JPH4: variants seen among roughly 807,000 people sequenced by gnomAD.
The protein encoded by JPH4 is junctophilin-4.
In JPH4, 18 loss-of-function variants were observed where a neutral mutation model predicts 57.6. That is an observed-to-expected ratio of 0.31 (90% CI 0.22 to 0.46). JPH4 has a LOEUF of 0.46. Ranked by LOEUF, JPH4 falls within the 20% of genes least tolerant of loss-of-function variation. The pLI, the probability that JPH4 is intolerant of heterozygous loss-of-function variation, is 1.00. For missense variants in JPH4, 727 were observed against 911.1 expected, an observed-to-expected ratio of 0.80 and a Z score of 2.60; for synonymous variants, 425 against 406.6, an observed-to-expected ratio of 1.05 and a Z score of -0.54.
chr14:23,576,488 C>A lies in JPH4; in HGVS notation c.380-32G>T. The A allele has an allele frequency of 7.3e-7, 1 of 1,374,724 alleles. No homozygotes were observed. Among genetic ancestry groups the A allele is most frequent in the South Asian group, 1.7e-5 (1 of 58,196 alleles). 85.2% of individuals were successfully genotyped at this position (1,374,724 alleles called of 1,614,324 possible). ...GCGGCGGAGGGGTGGGAGAAAGAGT[C>A]AGGACGTGCCGCTGGGCTCCTTGCG... On this transcript the variant is annotated intron_variant, in intron 2 of 5. Transcript: ENST00000356300. The surrounding 1 kb of genome is among the most constrained non-coding windows in gnomAD (Gnocchi z 8.0).
rs1017453476 is a variant in JPH4, at chr14:23,568,208, G to A, written c.*1426C>T. On this transcript the variant is annotated 3_prime_UTR_variant, in exon 6 of 6. Transcript: ENST00000356300. ...GGAGGAAGGAGGGAGGCAAGCCAAG[G>A]AATAAACAAGAGTTTGACTAGAAAA... 1.0e-6 allele frequency: 1 copy of A among 985,824 alleles called. No homozygotes were observed. The allele number at this position is 985,824 out of a possible 1,614,324, so 61.1% of individuals were successfully genotyped here.
At position 23,568,869 on chromosome 14, in the gene JPH4, A is replaced by T. The variant is rs1888946397; in HGVS notation, c.*765T>A. 1.1e-6 allele frequency: 1 copy of T among 897,840 alleles called. No homozygotes were observed. The highest frequency in any genetic ancestry group is 1.8e-5 in the African/African-American group (1 of 55,422). 55.6% of individuals were successfully genotyped at this position (897,840 alleles called of 1,614,324 possible). On this transcript the variant is annotated 3_prime_UTR_variant, in exon 6 of 6. Coordinates refer to ENST00000356300, the MANE Select transcript of JPH4 (RefSeq NM_001146028.2). ...GTCTGGGCAGGGTGGACTTGACTGC[A>T]TTGGATATTCTCTGTTCCTTTACAC...
At position 23,576,553 on chromosome 14, in the gene JPH4, C is replaced by A; in HGVS notation, c.380-97G>T. The A allele has an allele frequency of 9.4e-7, 1 of 1,067,342 alleles. No individual in the cohort carries two copies. 66.1% of individuals were successfully genotyped at this position (1,067,342 alleles called of 1,614,324 possible). A position where few individuals can be genotyped will look rare whatever the true frequency, so the allele number is the denominator to read the frequency against. On this transcript the variant is annotated intron_variant, in intron 2 of 5. Coordinates refer to ENST00000356300, the MANE Select transcript of JPH4 (RefSeq NM_001146028.2). This position sits in a 1 kb window ranked among gnomAD's most constrained non-coding sequence, Gnocchi z 8.0. ...CGCCCCTGGAAGCCCAAGCGTCAGGCGGGAGAGATGGAGGCAGTTAGTGTG... is the reference window on the plus strand; with the variant it reads ...CGCCCCTGGAAGCCCAAGCGTCAGGAGGGAGAGATGGAGGCAGTTAGTGTG...
In JPH4 at chr14:23,568,360, C is replaced by T; in HGVS notation, c.*1274G>A. 1.0e-6 allele frequency: 1 copy of T among 985,818 alleles called. No homozygotes were observed. Among genetic ancestry groups the T allele is most frequent in the Non-Finnish European group, 1.2e-6 (1 of 829,940 alleles). The allele number at this position is 985,818 out of a possible 1,614,324, so 61.1% of individuals were successfully genotyped here. ...AAGATCCCCTGGGGACCCTGCAGTC[C>T]CCTCTTCCTAGGGCTTCCTGCTCCC... On this transcript the variant is annotated 3_prime_UTR_variant, in exon 6 of 6. Transcript: ENST00000356300.
chr14:23,575,658 G>T lies in JPH4; in HGVS notation c.1151+27C>A. On this transcript the variant is annotated intron_variant, in intron 3 of 5. Transcript: ENST00000356300. The surrounding 1 kb of genome is among the most constrained non-coding windows in gnomAD (Gnocchi z 6.9). ...CAGCGCACCCCCTCCTCTTAGCCCA[G>T]CTTTGGCCTCTGAACTGGACGCCCA... The T allele has an allele frequency of 6.3e-7, 1 of 1,580,914 alleles. No individual in the cohort carries two copies. Among genetic ancestry groups the T allele is most frequent in the Non-Finnish European group, 8.6e-7 (1 of 1,165,944 alleles).
In JPH4 at chr14:23,577,415, G is replaced by A; in HGVS notation, c.39C>T (p.Gly13=). ...PGGKFDFDDG[G]CYVGGWEAGR... ...CCGCCTCCCAGCCCCCCACGTAGCA[G>A]CCCCCGTCGTCAAAGTCGAACTTGC... Residue 13 remains glycine (G), a synonymous_variant, in exon 2 of 6, where the codon GGC becomes GGT. Coordinates refer to ENST00000356300, the MANE Select transcript of JPH4 (RefSeq NM_001146028.2). This position sits in a 1 kb window ranked among gnomAD's most constrained non-coding sequence, Gnocchi z 8.4. The A allele has an allele frequency of 6.9e-7, 1 of 1,450,396 alleles. No homozygotes were observed. The highest frequency in any genetic ancestry group is 1.5e-5 in the African/African-American group (1 of 67,686). 89.8% of individuals were successfully genotyped at this position (1,450,396 alleles called of 1,614,324 possible).
rs981632705 is a variant in JPH4, at chr14:23,576,070, C to T, written c.766G>A (p.Gly256Arg). The T allele has an allele frequency of 8.4e-6, 11 of 1,308,132 alleles. No homozygotes were observed. The highest frequency in any genetic ancestry group is 1.1e-5 in the Non-Finnish European group (11 of 1,033,560). The allele number at this position is 1,308,132 out of a possible 1,614,324, so 81.0% of individuals were successfully genotyped here. A position where few individuals can be genotyped will look rare whatever the true frequency, so the allele number is the denominator to read the frequency against. ...SEVSSEVGST[G>R]PPGSEASGPP... ...CCGCTGGCCTCCGAGCCGGGCGGTCCGGTGCTGCCCACCTCGCTGCTCACC... is the reference window on the plus strand; with the variant it reads ...CCGCTGGCCTCCGAGCCGGGCGGTCTGGTGCTGCCCACCTCGCTGCTCACC... The change falls in exon 3 of 6, where the codon GGA becomes AGA. Residue 256 changes from glycine (G) to arginine (R), a missense_variant. Physicochemically the swap from Gly to Arg is moderately radical, Grantham distance 125. Around this residue, in one of 7 missense-constraint regions of JPH4, gnomAD observed 131 missense variants for 156.5 expected, o/e 0.84. Transcript: ENST00000356300. The surrounding 1 kb of genome is among the most constrained non-coding windows in gnomAD (Gnocchi z 8.0).
chr14:23,578,010 G>C (rs751383893), intron 1 of JPH4, 170 bp downstream of exon 1: 2 of 152,022 alleles, frequency 1.3e-5, no homozygotes, highest in Admixed American at 6.6e-5. Flanking sequence ...AAAGGGATGG[G>C]GGTGGGGGGT....
chr14:23,570,945 C>T lies in JPH4; in HGVS notation c.1786G>A (p.Glu596Lys), dbSNP rs1375424289. 2 of 1,515,586 alleles carry T rather than the reference C, an allele frequency of 1.3e-6. No individual in the cohort carries two copies. The highest frequency in any genetic ancestry group is 1.8e-6 in the Non-Finnish European group (2 of 1,133,142). 93.9% of individuals were successfully genotyped at this position (1,515,586 alleles called of 1,614,324 possible). ...GATCTCACCGGCTGGGCAGGCCTCT[C>T]GGTTGCAGCGGGCTCCCCGAGCTCT... is the stretch of plus-strand genomic sequence containing the variant. Reference protein sequence around the residue: ...TEELGEPAATERPAQPGAANP... With the variant: ...TEELGEPAATKRPAQPGAANP... The change falls in exon 5 of 6, where the codon GAG becomes AAG. Residue 596 changes from glutamate to lysine, a missense_variant. Transcript: ENST00000356300.
At position 23,571,558 on chromosome 14, in the gene JPH4, A is replaced by G; in HGVS notation, c.1271-98T>C. 7.0e-7 allele frequency: 1 copy of G among 1,431,544 alleles called. No homozygotes were observed. The highest frequency in any genetic ancestry group is 9.4e-7 in the Non-Finnish European group (1 of 1,060,822). The allele number at this position is 1,431,544 out of a possible 1,614,324, so 88.7% of individuals were successfully genotyped here. ...ACTGGGCACTTCCCAGGACTTTGGAATTCCCAGGCTCATAGCCTCTCACCG... is the reference window on the plus strand; with the variant it reads ...ACTGGGCACTTCCCAGGACTTTGGAGTTCCCAGGCTCATAGCCTCTCACCG... On this transcript the variant is annotated intron_variant, in intron 4 of 5. Coordinates refer to ENST00000356300, the MANE Select transcript of JPH4 (RefSeq NM_001146028.2). The surrounding 1 kb of genome is among the most constrained non-coding windows in gnomAD (Gnocchi z 4.6).
chr14:23,570,770 C>T (rs897996461), intron 5 of JPH4, among the ~76,000 whole-genome samples, 158 bp downstream of exon 5: 7 of 152,146 alleles, frequency 4.6e-5, no homozygotes, highest in African/African-American at 1.7e-4. Flanking sequence ...CCAGCTCGAA[C>T]GCCCTCTATT....
chr14:23,568,637 T>C lies in JPH4; in HGVS notation c.*997A>G. 9 of 985,964 alleles carry C rather than the reference T, an allele frequency of 9.1e-6. No individual in the cohort carries two copies. Among genetic ancestry groups the C allele is most frequent in the Non-Finnish European group, 1.1e-5 (9 of 829,990 alleles). 61.1% of individuals were successfully genotyped at this position (985,964 alleles called of 1,614,324 possible). On this transcript the variant is annotated 3_prime_UTR_variant, in exon 6 of 6. Transcript: ENST00000356300. ...TTCCATGTGAGCTCCTGTTATCTTG[T>C]CTGGTCCTATCCCCCAGAAGTGCCT...
chr14:23,569,850 T>C lies in JPH4; in HGVS notation c.1804-133A>G. On this transcript the variant is annotated intron_variant, in intron 5 of 5. Coordinates refer to ENST00000356300, the MANE Select transcript of JPH4 (RefSeq NM_001146028.2). This position sits in a 1 kb window ranked among gnomAD's most constrained non-coding sequence, Gnocchi z 4.8. ...CCTGGAGCAGGGGGATCGCCAACAT[T>C]TGTTTTGGATTGCAAAACCCCCTCT... The C allele has an allele frequency of 3.3e-6, 2 of 614,832 alleles. No individual in the cohort carries two copies. The highest frequency in any genetic ancestry group is 4.0e-5 in the South Asian group (2 of 49,846). 38.1% of individuals were successfully genotyped at this position (614,832 alleles called of 1,614,324 possible). A position where few individuals can be genotyped will look rare whatever the true frequency, so the allele number is the denominator to read the frequency against.
chr14:23,576,157 C>T lies in JPH4; in HGVS notation c.679G>A (p.Gly227Arg). The T allele has an allele frequency of 7.6e-7, 1 of 1,307,440 alleles. No individual in the cohort carries two copies. Among genetic ancestry groups the T allele is most frequent in the South Asian group, 2.2e-5 (1 of 46,350 alleles). The allele number at this position is 1,307,440 out of a possible 1,614,324, so 81.0% of individuals were successfully genotyped here. Residue 227 changes from glycine to arginine, a missense_variant, in exon 3 of 6, where the codon GGG becomes AGG. This residue lies in a region of JPH4 where 131 missense variants were observed against 156.5 expected (regional missense o/e 0.84). Transcript: ENST00000356300. This position sits in a 1 kb window ranked among gnomAD's most constrained non-coding sequence, Gnocchi z 8.0. The stretch of plus-strand genomic sequence containing the variant: ...CTGCGACGTCCGCCCGCTCGGAGCC[C>T]GCTGAGCAGCAGCGAACGGCGAAAG... ...GFFRRSLLLS[G>R]LRAGGRRSSL... is the part of the protein sequence containing the mutation.
chr14:23,572,614 CA>C (rs897412099), intron 3 of JPH4, among the ~76,000 whole-genome samples: 10 of 152,126 alleles, frequency 6.6e-5, no homozygotes, highest in African/African-American at 2.4e-4. Flanking sequence ...TGCGTTCCTT[CA>C]GCCTCTTCTG....
intron 3 of JPH4, chr14:23,573,132 G>C (rs1889193976): frequency 3.3e-6 from 2 of 603,370 alleles, no homozygotes; most frequent in Non-Finnish European, 5.9e-6. Context: ...GTCTGGTATG[G>C]GGGTGGGGAA....
chr14:23,571,711 C>T lies in JPH4; in HGVS notation c.1270+91G>A. The T allele has an allele frequency of 7.9e-7, 1 of 1,269,494 alleles. No homozygotes were observed. Among genetic ancestry groups the T allele is most frequent in the Non-Finnish European group, 1.1e-6 (1 of 894,110 alleles). 78.6% of individuals were successfully genotyped at this position (1,269,494 alleles called of 1,614,324 possible). A position where few individuals can be genotyped will look rare whatever the true frequency, so the allele number is the denominator to read the frequency against. ...CTTGTTTTTTCCCATCCCCACTTCCCTTGCAGGGCTTCTCATCTGTTTCCC... is the reference window on the plus strand; with the variant it reads ...CTTGTTTTTTCCCATCCCCACTTCCTTTGCAGGGCTTCTCATCTGTTTCCC... On this transcript the variant is annotated intron_variant, in intron 4 of 5. Transcript: ENST00000356300. The surrounding 1 kb of genome is among the most constrained non-coding windows in gnomAD (Gnocchi z 4.6).
In JPH4 at chr14:23,577,204, G is replaced by T; in HGVS notation, c.250C>A (p.Arg84Ser). 1.3e-6 allele frequency: 2 copies of T among 1,537,106 alleles called. No homozygotes were observed. The highest frequency in any genetic ancestry group is 2.4e-5 in the South Asian group (2 of 83,876). ...GVERKSRWTY[R>S]GEWLGGLKGR... is the part of the protein sequence containing the mutation. ...TTCAGCCCGCCCAGCCACTCGCCGC[G>T]GTACGTCCAGCGGCTCTTGCGCTCC... is the stretch of plus-strand genomic sequence containing the variant. Residue 84 changes from arginine to serine, a missense_variant, in exon 2 of 6, where the codon CGC becomes AGC. Transcript: ENST00000356300. This position sits in a 1 kb window ranked among gnomAD's most constrained non-coding sequence, Gnocchi z 8.4.
Position 23,569,488 on chromosome 14 carries a change from A to G in JPH4, c.*146T>C. 1.5e-6 allele frequency: 1 copy of G among 674,138 alleles called. No individual in the cohort carries two copies. Among genetic ancestry groups the G allele is most frequent in the Non-Finnish European group, 2.7e-6 (1 of 375,336 alleles). The allele number at this position is 674,138 out of a possible 1,614,324, so 41.8% of individuals were successfully genotyped here. A position where few individuals can be genotyped will look rare whatever the true frequency, so the allele number is the denominator to read the frequency against. ...AAGACAGGGAAAGAAAAAGCGAGAG[A>G]AAAAAACAAAGGAGCACAGAAAAGA... is the stretch of plus-strand genomic sequence containing the variant. On this transcript the variant is annotated 3_prime_UTR_variant, in exon 6 of 6. Transcript: ENST00000356300. This position sits in a 1 kb window ranked among gnomAD's most constrained non-coding sequence, Gnocchi z 4.8.
Sources: allele counts gnomAD v4.1 joint callset (sites outside exome capture counted in the v4.1 genomes callset), GRCh38; gene constraint gnomAD v4.1.1; regional missense constraint gnomAD v4.1.1; non-coding constraint Gnocchi (gnomAD v3.1); transcripts MANE v1.5; gene names NCBI Gene and HGNC (gene_info 2026-07-23, HGNC 2026-07-21).